The following BCL2L1 variants were observed in gnomAD, a reference collection of about 807,000 sequenced individuals.
BCL2L1 encodes the protein BCL2 like 1.
BCL2L1 carries 1 observed loss-of-function variant against 18.7 expected under a neutral mutation model. That is an observed-to-expected ratio of 0.05 (90% confidence interval 0.02 to 0.25). BCL2L1 has a LOEUF of 0.25. Among genes scored for constraint, BCL2L1 ranks in the 10% least tolerant of loss-of-function variants. The pLI is 1.00. For missense variants in BCL2L1, 207 were observed against 304.9 expected (o/e 0.68, Z 2.39); for synonymous variants, 103 against 122.7 (o/e 0.84, Z 1.06).
intron 2 of BCL2L1, among the ~76,000 whole-genome samples, chr20:31,694,271 G>A (rs2061132015): frequency 6.6e-6 from 1 of 151,142 alleles, no homozygotes; most frequent in Admixed American, 6.6e-5. Context: ...ATCTGGTAAG[G>A]AAGTTTGCTG....
At chr20:31,692,905 G>C (rs867588673) in intron 2 of BCL2L1, among the ~76,000 whole-genome samples, 3 of 150,298 alleles carry the variant, frequency 2.0e-5, no homozygotes, top group Non-Finnish European at 4.4e-5. Context: ...AGTGAGACTC[G>C]GTCTTAAAAA....
chr20:31,674,265 T>C lies in BCL2L1; in HGVS notation c.565-8179A>G, dbSNP rs2060720627. Among the ~76,000 whole-genome samples the C allele has an allele frequency of 1.3e-5, 2 of 152,180 alleles. 1 individual carries two copies. Among genetic ancestry groups the C allele is most frequent in the South Asian group, 4.1e-4 (2 of 4,832 alleles). On this transcript the variant is annotated intron_variant, in intron 2 of 2. Coordinates refer to ENST00000307677, the MANE Select transcript of BCL2L1 (RefSeq NM_138578.3). ...CTGTAAGGTACTCTTCTTGGTTTTT[T>C]TGTAGATTAGTTCATTAGTTGTCTC...
intron 2 of BCL2L1, among the ~76,000 whole-genome samples, chr20:31,711,484 C>A (rs1568895429): frequency 6.6e-6 from 1 of 152,154 alleles, no homozygotes; most frequent in Non-Finnish European, 1.5e-5. Context: ...ACCAGCAAGA[C>A]CCAAGGTGTG....
At chr20:31,671,141 A>G (rs542862110) in intron 2 of BCL2L1, among the ~76,000 whole-genome samples, 4 of 152,192 alleles carry the variant, frequency 2.6e-5, no homozygotes, top group African/African-American at 7.2e-5. Context: ...GCCACTGGCG[A>G]CAGGCAATGG....
intron 2 of BCL2L1, among the ~76,000 whole-genome samples, chr20:31,674,242 G>T (rs1472715998): frequency 6.6e-6 from 1 of 152,160 alleles, no homozygotes; most frequent in African/African-American, 2.4e-5. Flanking sequence ...CACATACTCT[G>T]TAAGGTACTC....
chr20:31,683,637 C>T (rs385394), intron 2 of BCL2L1, among the ~76,000 whole-genome samples: 12 of 151,798 alleles, frequency 7.9e-5, no homozygotes, highest in Admixed American at 4.6e-4. Flanking sequence ...GGTGTGGTGG[C>T]GGGCACCTGT....
chr20:31,717,930 T>C (rs967284790), intron 2 of BCL2L1, among the ~76,000 whole-genome samples: 1 of 152,240 alleles, frequency 6.6e-6, no homozygotes, highest in Non-Finnish European at 1.5e-5. Flanking sequence ...GAAACACTTG[T>C]GTCCCTTCGG....
At chr20:31,708,752 G>T (rs1037446536) in intron 2 of BCL2L1, among the ~76,000 whole-genome samples, 10 of 152,220 alleles carry the variant, frequency 6.6e-5, no homozygotes, top group African/African-American at 2.4e-4. Context: ...GTGGGGCAGG[G>T]AAGGATTGGC....
At chr20:31,720,932 T>G in intron 2 of BCL2L1, 1 of 985,296 alleles carries the variant, frequency 1.0e-6, no homozygotes, top group Non-Finnish European at 1.2e-6. Flanking sequence ...GGCAATGAGG[T>G]GCAAAGTCCC....
At chr20:31,703,933 G>T (rs529125158) in intron 2 of BCL2L1, among the ~76,000 whole-genome samples, 2 of 151,282 alleles carry the variant, frequency 1.3e-5, no homozygotes, top group African/African-American at 4.9e-5. Context: ...AAGTAGCCGG[G>T]ACTATAGGCC....
chr20:31,720,624 G>T, intron 2 of BCL2L1: 1 of 984,988 alleles, frequency 1.0e-6, no homozygotes, highest in Non-Finnish European at 1.2e-6. Context: ...GTCAGTCACT[G>T]TGCTCACATT....
chr20:31,690,755 C>T (rs902347412), intron 2 of BCL2L1, among the ~76,000 whole-genome samples: 7 of 151,954 alleles, frequency 4.6e-5, no homozygotes, highest in Non-Finnish European at 7.4e-5. Context: ...AACTCTCTCC[C>T]ACATGCTGGC....
intron 2 of BCL2L1, among the ~76,000 whole-genome samples, chr20:31,678,226 C>T (rs2060795580): frequency 6.6e-6 from 1 of 152,136 alleles, no homozygotes; most frequent in South Asian, 2.1e-4. Context: ...TCTCCTTCCT[C>T]CTCTCCACCC....
chr20:31,689,790 C>T (rs544973238), intron 2 of BCL2L1, among the ~76,000 whole-genome samples: 4 of 152,136 alleles, frequency 2.6e-5, no homozygotes, highest in Non-Finnish European at 4.4e-5. Flanking sequence ...CTGAGGCGGG[C>T]GGATCACTTG....
intron 2 of BCL2L1, among the ~76,000 whole-genome samples, chr20:31,678,808 C>A (rs574514340): frequency 6.6e-6 from 1 of 152,324 alleles, no homozygotes; most frequent in South Asian, 2.1e-4. Context: ...TTTCAGCCAC[C>A]TTTATCTGAT....
intron 2 of BCL2L1, among the ~76,000 whole-genome samples, chr20:31,681,119 G>C (rs551576883): frequency 6.6e-6 from 1 of 152,230 alleles, no homozygotes; most frequent in African/African-American, 2.4e-5. Flanking sequence ...CCAAGGGCCC[G>C]ATTGTGTGGG....
At chr20:31,694,770 C>T (rs2061140315) in intron 2 of BCL2L1, among the ~76,000 whole-genome samples, 1 of 152,112 alleles carries the variant, frequency 6.6e-6, no homozygotes, top group African/African-American at 2.4e-5. Flanking sequence ...TTGGCAAAGT[C>T]AAACACTTGC....
chr20:31,676,694 C>T (rs1055826811), intron 2 of BCL2L1, among the ~76,000 whole-genome samples: 4 of 152,150 alleles, frequency 2.6e-5, no homozygotes, highest in Non-Finnish European at 1.5e-5. Flanking sequence ...TACTCAAGCT[C>T]ACCACGAACA....
intron 2 of BCL2L1, 170 bp downstream of exon 2, chr20:31,721,485 A>T: frequency 1.3e-6 from 1 of 755,598 alleles, no homozygotes; most frequent in Non-Finnish European, 2.1e-6. Flanking sequence ...GGTCATTTGT[A>T]TTTCCAAGGA....
Sources: allele counts gnomAD v4.1 joint callset (sites outside exome capture counted in the v4.1 genomes callset), GRCh38; gene constraint gnomAD v4.1.1; transcripts MANE v1.5; gene names NCBI Gene and HGNC (gene_info 2026-07-23, HGNC 2026-07-21).